Variants in UNC5A observed in about 807,000 individuals in gnomAD.
UNC5A encodes unc-5 netrin receptor A, also known as netrin receptor UNC5A.
UNC5A carries 20 observed loss-of-function variants against 87.4 expected under a neutral mutation model. That is an observed-to-expected ratio of 0.23 (90% CI 0.16 to 0.33). The LOEUF is 0.33. Ranked by LOEUF, UNC5A falls within the 10% of genes least tolerant of loss-of-function variation. UNC5A has a pLI of 1.00. For synonymous variants in UNC5A, 438 were observed against 482.3 expected (o/e 0.91, Z 1.20); for missense variants, 844 against 1,133.4 (o/e 0.74, Z 3.67).
In UNC5A at chr5:176,873,963, C is replaced by G; in HGVS notation, c.887-5C>G. On this transcript the variant is annotated splice_region_variant and splice_polypyrimidine_tract_variant and intron_variant, in intron 6 of 14. Transcript: ENST00000329542. Reference sequence around the variant, plus strand: ...CCCCCACCAAGGCCATGCTGTCTCCCGCAGCTGCTTCTGGCCCTGAGGACG... The same window carrying G: ...CCCCCACCAAGGCCATGCTGTCTCCGGCAGCTGCTTCTGGCCCTGAGGACG... 1 of 1,612,036 alleles carries G rather than the reference C, an allele frequency of 6.2e-7. No homozygotes were observed.
At chr5:176,817,962 C>T (rs1288037337) in intron 1 of UNC5A, among the ~76,000 whole-genome samples, 1 of 151,986 alleles carries the variant, frequency 6.6e-6, no homozygotes, top group Non-Finnish European at 1.5e-5. Context: ...GGCCGCCCGC[C>T]GGATTAGCGG....
chr5:176,861,931 TG>T (rs1416035264), intron 1 of UNC5A, among the ~76,000 whole-genome samples: 1 of 152,226 alleles, frequency 6.6e-6, no homozygotes, highest in African/African-American at 2.4e-5. Context: ...CAGACTACTC[TG>T]GGGGTTTTAC....
At chr5:176,876,468 T>C (rs1758264218) in intron 8 of UNC5A, among the ~76,000 whole-genome samples, 1 of 152,166 alleles carries the variant, frequency 6.6e-6, no homozygotes, top group Admixed American at 6.5e-5. Context: ...GAGTCCCTGC[T>C]CACCACCTCT....
At chr5:176,832,466 C>G (rs868271787) in intron 1 of UNC5A, among the ~76,000 whole-genome samples, 1 of 152,196 alleles carries the variant, frequency 6.6e-6, no homozygotes, top group African/African-American at 2.4e-5. Flanking sequence ...AGTCACTTAT[C>G]TGCTTGAATC....
chr5:176,874,909 C>T lies in UNC5A; in HGVS notation c.1378+343C>T, dbSNP rs1217919249. 6.6e-6 allele frequency among the ~76,000 whole-genome samples: 1 copy of T among 152,224 alleles called. No homozygotes were observed. Among genetic ancestry groups the T allele is most frequent in the Non-Finnish European group, 1.5e-5 (1 of 68,030 alleles). On this transcript the variant is annotated intron_variant, in intron 8 of 14. Transcript: ENST00000329542. This position sits in a 1 kb window ranked among gnomAD's most constrained non-coding sequence, Gnocchi z 7.6. ...AGACAACCAAGGGCAAACAGATGAGCACGGGCCTGGGCAGAGGCCATCCTG... is the reference window on the plus strand; with the variant it reads ...AGACAACCAAGGGCAAACAGATGAGTACGGGCCTGGGCAGAGGCCATCCTG...
rs1554097417 is a variant in UNC5A at position 176,835,753 on chromosome 5, G to GTGTGTGTA, written c.70+24940_70+24941insATGTGTGT. ...GATGTGTGTGTGTGTGTGTGTGTGTGTGTGTGTGTCCTGAAATGATGTGCA... is the reference window on the plus strand; with the variant it reads ...GATGTGTGTGTGTGTGTGTGTGTGTGTGTGTGTATGTGTGTGTCCTGAAATGATGTGCA... On this transcript the variant is annotated intron_variant, in intron 1 of 14. Coordinates refer to ENST00000329542, the MANE Select transcript of UNC5A (RefSeq NM_133369.3). Among the ~76,000 whole-genome samples the GTGTGTGTA allele has an allele frequency of 7.6e-3, 1,156 of 151,612 alleles. 26 individuals carry two copies. The highest frequency in any genetic ancestry group is 0.014 in the African/African-American group (584 of 41,056).
At chr5:176,843,480 C>A (rs1364064812) in intron 1 of UNC5A, among the ~76,000 whole-genome samples, 6 of 152,064 alleles carry the variant, frequency 3.9e-5, no homozygotes, top group African/African-American at 7.2e-5. Context: ...CTGGCGGGAA[C>A]TTTAGGGGGT....
At chr5:176,821,917 A>T (rs1756736599) in intron 1 of UNC5A, among the ~76,000 whole-genome samples, 1 of 152,204 alleles carries the variant, frequency 6.6e-6, no homozygotes, top group African/African-American at 2.4e-5. Flanking sequence ...TTGACTTCCC[A>T]GGCTGGAAGG....
chr5:176,859,129 G>C (rs55776418), intron 1 of UNC5A, among the ~76,000 whole-genome samples: 12,295 of 35,264 alleles, frequency 0.35, 3,206 homozygotes, highest in Non-Finnish European at 0.53. Flanking sequence ...ATGGCTGCTA[G>C]AATGCCCTTG....
intron 1 of UNC5A, among the ~76,000 whole-genome samples, chr5:176,832,291 G>A (rs1470438754): frequency 6.6e-6 from 1 of 152,166 alleles, no homozygotes; most frequent in Non-Finnish European, 1.5e-5. Flanking sequence ...CTGTGGAGAA[G>A]TCAGGTGTTT....
At chr5:176,833,376 T>C (rs1417269815) in intron 1 of UNC5A, among the ~76,000 whole-genome samples, 1 of 152,180 alleles carries the variant, frequency 6.6e-6, no homozygotes, top group African/African-American at 2.4e-5. Flanking sequence ...AATATTTAGC[T>C]CCCACTTAAG....
intron 1 of UNC5A, among the ~76,000 whole-genome samples, chr5:176,825,880 C>T (rs537852189): frequency 3.1e-4 from 47 of 152,300 alleles, no homozygotes; most frequent in Admixed American, 1.2e-3. Context: ...GCGCCAGGCC[C>T]GGCGTCAGGT....
intron 1 of UNC5A, among the ~76,000 whole-genome samples, chr5:176,829,412 GATGA>G (rs1244661813): frequency 5.7e-5 from 8 of 139,140 alleles, no homozygotes; most frequent in African/African-American, 1.1e-4. Flanking sequence ...ATGTATGAAA[GATGA>G]ATGGATGGAT....
intron 1 of UNC5A, among the ~76,000 whole-genome samples, chr5:176,836,905 G>T (rs1025428652): frequency 6.6e-6 from 1 of 152,174 alleles, no homozygotes; most frequent in Non-Finnish European, 1.5e-5. Flanking sequence ...ACTAGTTCTT[G>T]GGCAAAATTA....
intron 1 of UNC5A, among the ~76,000 whole-genome samples, chr5:176,835,493 T>G (rs1404700299): frequency 6.6e-6 from 1 of 152,224 alleles, no homozygotes; most frequent in African/African-American, 2.4e-5. Flanking sequence ...TTCCAGATGC[T>G]CCAGAGCCTC....
intron 1 of UNC5A, among the ~76,000 whole-genome samples, chr5:176,835,109 G>C (rs1318186166): frequency 6.6e-6 from 1 of 152,286 alleles, no homozygotes. Context: ...GCCAGGGAGA[G>C]AGGTGGCCTC....
rs1449335343 is a variant in UNC5A at position 176,841,709 on chromosome 5, G to T, written c.71-20915G>T. Among the ~76,000 whole-genome samples the T allele has an allele frequency of 2.0e-5, 3 of 152,126 alleles. No individual in the cohort carries two copies. Among genetic ancestry groups the T allele is most frequent in the Non-Finnish European group, 4.4e-5 (3 of 68,034 alleles). ...AAGTCCCACTCCCAAGAGAAGTAAA[G>T]ATATATGTCCACCAAAGACCTGTCT... On this transcript the variant is annotated intron_variant, in intron 1 of 14. Coordinates refer to ENST00000329542, the MANE Select transcript of UNC5A (RefSeq NM_133369.3). This position sits in a 1 kb window ranked among gnomAD's most constrained non-coding sequence, Gnocchi z 4.1.
chr5:176,853,116 G>A (rs1022995905), intron 1 of UNC5A, among the ~76,000 whole-genome samples: 6 of 152,240 alleles, frequency 3.9e-5, no homozygotes, highest in East Asian at 1.9e-4. Context: ...AGCGTGTGCG[G>A]GCACGACAAG....
intron 1 of UNC5A, among the ~76,000 whole-genome samples, chr5:176,843,791 G>A (rs780449259): frequency 2.6e-5 from 4 of 152,174 alleles, no homozygotes; most frequent in Non-Finnish European, 5.9e-5. Context: ...CCTCCCACTC[G>A]GCGGCTGGGC....
Sources: allele counts gnomAD v4.1 joint callset (sites outside exome capture counted in the v4.1 genomes callset), GRCh38; gene constraint gnomAD v4.1.1; non-coding constraint Gnocchi (gnomAD v3.1); transcripts MANE v1.5; gene names NCBI Gene and HGNC (gene_info 2026-07-23, HGNC 2026-07-21).